The following PCDH9 variants were observed in gnomAD, a reference collection of about 807,000 sequenced individuals.
The protein encoded by PCDH9 is protocadherin 9.
Under a neutral mutation model 70.6 loss-of-function variants are expected in PCDH9, and 24 were observed. That is an observed-to-expected ratio of 0.34 (90% CI 0.25 to 0.48). The LOEUF is 0.48. PCDH9 is among the 20% of genes least tolerant of loss of function. PCDH9 has a pLI of 0.99. For missense variants in PCDH9, 1,281 were observed against 1,503.6 expected (o/e 0.85, Z 2.45); for synonymous variants, 562 against 558.5 (o/e 1.01, Z -0.09).
chr13:66,488,145 C>T (rs17081363), intron 4 of PCDH9, among the ~76,000 whole-genome samples: 3,049 of 152,090 alleles, frequency 0.02, 104 homozygotes, highest in African/African-American at 0.069. Flanking sequence ...AAATTTATGC[C>T]GACACTATAC....
chr13:67,162,022 C>T (rs1008292068), intron 2 of PCDH9, among the ~76,000 whole-genome samples: 4 of 152,130 alleles, frequency 2.6e-5, no homozygotes, highest in African/African-American at 9.7e-5. Context: ...TGTTCAAGTC[C>T]GCCTTCCTAA....
chr13:66,810,357 C>T (rs752496436), intron 3 of PCDH9, among the ~76,000 whole-genome samples: 2 of 151,922 alleles, frequency 1.3e-5, no homozygotes, highest in Non-Finnish European at 2.9e-5. Flanking sequence ...TTGAGCCTTA[C>T]AGTTCAAAAG....
intron 3 of PCDH9, among the ~76,000 whole-genome samples, chr13:66,645,263 C>T (rs1484792795): frequency 6.6e-6 from 1 of 152,020 alleles, no homozygotes; most frequent in Non-Finnish European, 1.5e-5. Context: ...CTTATGACCC[C>T]TTCCTCCTCC....
At chr13:67,198,351 C>G (rs1733457224) in intron 2 of PCDH9, among the ~76,000 whole-genome samples, 1 of 151,702 alleles carries the variant, frequency 6.6e-6, no homozygotes, top group Admixed American at 6.6e-5. Flanking sequence ...GAAATAAATC[C>G]TAAGGAGTCT....
intron 2 of PCDH9, chr13:66,977,342 T>C (rs541770887): frequency 6.6e-6 from 1 of 151,990 alleles, no homozygotes; most frequent in East Asian, 1.9e-4. Flanking sequence ...TCATAGGCTG[T>C]ACTATAAACG....
chr13:67,214,242 T>C (rs903368230), intron 2 of PCDH9: 3 of 152,256 alleles, frequency 2.0e-5, no homozygotes, highest in African/African-American at 7.2e-5. Context: ...TTGGTGATTA[T>C]GCTTCTACCA....
intron 3 of PCDH9, among the ~76,000 whole-genome samples, chr13:66,661,314 G>A (rs2078005597): frequency 6.6e-6 from 1 of 152,150 alleles, no homozygotes; most frequent in Admixed American, 6.5e-5. Context: ...GAGGATGAGT[G>A]TCCTTCATTT....
chr13:67,136,638 T>C (rs543105178), intron 2 of PCDH9, among the ~76,000 whole-genome samples: 1 of 152,166 alleles, frequency 6.6e-6, no homozygotes, highest in African/African-American at 2.4e-5. Context: ...CAGGCAGATA[T>C]TATGGTCTAA....
intron 2 of PCDH9, chr13:67,209,883 G>A (rs1314570328): frequency 2.6e-5 from 4 of 152,090 alleles, no homozygotes; most frequent in Admixed American, 2.6e-4. Flanking sequence ...AGACTGACAA[G>A]TTCTTCAATT....
intron 4 of PCDH9, among the ~76,000 whole-genome samples, chr13:66,488,117 G>A (rs2138525770): frequency 6.6e-6 from 1 of 152,194 alleles, no homozygotes; most frequent in South Asian, 2.1e-4. Context: ...AGATTTTAGG[G>A]AAAATTTGTG....
At chr13:66,935,688 C>A (rs976242095) in intron 2 of PCDH9, among the ~76,000 whole-genome samples, 2 of 152,022 alleles carry the variant, frequency 1.3e-5, no homozygotes, top group Non-Finnish European at 2.9e-5. Flanking sequence ...ATACTTAGCT[C>A]AAACTAAAGG....
At chr13:66,703,069 T>TA (rs2078667509) in intron 3 of PCDH9, among the ~76,000 whole-genome samples, 1 of 152,174 alleles carries the variant, frequency 6.6e-6, no homozygotes, top group Non-Finnish European at 1.5e-5. Context: ...TAATAAACCA[T>TA]AAAATTACAA....
At chr13:67,060,007 G>T (rs1171526499) in intron 2 of PCDH9, among the ~76,000 whole-genome samples, 1 of 151,728 alleles carries the variant, frequency 6.6e-6, no homozygotes, top group African/African-American at 2.4e-5. Flanking sequence ...ATGAGTATGA[G>T]GGGGTGTGGC....
chr13:66,670,190 T>C (rs1309631352), intron 3 of PCDH9, among the ~76,000 whole-genome samples: 2 of 152,218 alleles, frequency 1.3e-5, no homozygotes, highest in African/African-American at 4.8e-5. Context: ...GTGATGGAAA[T>C]GTCTCTGTCT....
chr13:66,879,507 A>C (rs904496506), intron 3 of PCDH9, among the ~76,000 whole-genome samples: 4 of 152,184 alleles, frequency 2.6e-5, no homozygotes, highest in African/African-American at 9.6e-5. Context: ...TTCTTCTGTA[A>C]GATGGACATA....
chr13:66,902,685 A>G (rs576100695), intron 3 of PCDH9, among the ~76,000 whole-genome samples: 2 of 151,922 alleles, frequency 1.3e-5, no homozygotes, highest in Admixed American at 1.3e-4. Flanking sequence ...TAACTATTAA[A>G]ACATAATTCT....
intron 3 of PCDH9, among the ~76,000 whole-genome samples, chr13:66,677,722 G>A (rs949300082): frequency 2.0e-5 from 3 of 152,004 alleles, no homozygotes; most frequent in Non-Finnish European, 4.4e-5. Flanking sequence ...AGTTCCCAGA[G>A]GCTTCACCAA....
chr13:66,853,226 A>AATAATG (rs1555276638), intron 3 of PCDH9, among the ~76,000 whole-genome samples: 1 of 150,296 alleles, frequency 6.7e-6, no homozygotes, highest in East Asian at 1.9e-4. Context: ...TAATAATAAT[A>AATAATG]ATAATGATAA....
chr13:67,123,371 C>T (rs1272214344), intron 2 of PCDH9, among the ~76,000 whole-genome samples: 1 of 152,180 alleles, frequency 6.6e-6, no homozygotes, highest in Non-Finnish European at 1.5e-5. Flanking sequence ...CAAGACTTGG[C>T]TGTGCTCCAA....
Sources: gnomAD v4.1 joint callset for allele counts (sites outside exome capture counted in the v4.1 genomes callset) on GRCh38, gnomAD v4.1.1 for gene constraint, MANE v1.5 for transcripts, NCBI Gene and HGNC (gene_info 2026-07-23, HGNC 2026-07-21) for gene names.